PCDH9: variants seen among roughly 807,000 people sequenced by gnomAD.
PCDH9 encodes protocadherin-9.
PCDH9 carries 24 observed loss-of-function variants against 70.6 expected under a neutral mutation model. The ratio of observed to expected loss-of-function variants is 0.34; its 90% confidence interval spans 0.25 to 0.48. PCDH9 has a LOEUF of 0.48. Among genes scored for constraint, PCDH9 ranks in the 20% least tolerant of loss-of-function variants. PCDH9 has a pLI of 0.99. For missense variants in PCDH9, 1,281 were observed against 1,503.6 expected, an observed-to-expected ratio of 0.85 and a Z score of 2.45; for synonymous variants, 562 against 558.5, an observed-to-expected ratio of 1.01 and a Z score of -0.09.
chr13:66,810,162 T>A (rs1024957195), intron 3 of PCDH9, among the ~76,000 whole-genome samples: 1 of 152,168 alleles, frequency 6.6e-6, no homozygotes, highest in Non-Finnish European at 1.5e-5. Flanking sequence ...TCATTGTATA[T>A]TAGCCTTTTT....
At chr13:66,772,776 A>G (rs1315945709) in intron 3 of PCDH9, among the ~76,000 whole-genome samples, 2 of 152,146 alleles carry the variant, frequency 1.3e-5, no homozygotes, top group Non-Finnish European at 2.9e-5. Flanking sequence ...TATTAAATAT[A>G]TAATTTTTTA....
chr13:66,349,406 T>C (rs1310756991), intron 4 of PCDH9, among the ~76,000 whole-genome samples: 1 of 152,218 alleles, frequency 6.6e-6, no homozygotes, highest in African/African-American at 2.4e-5. Context: ...GCAGAAATGA[T>C]TATGACAAAT....
intron 2 of PCDH9, among the ~76,000 whole-genome samples, chr13:67,162,997 A>G (rs1418457768): frequency 6.6e-6 from 1 of 152,182 alleles, no homozygotes; most frequent in Non-Finnish European, 1.5e-5. Flanking sequence ...CCACATTTAG[A>G]TCATGATGTG....
intron 4 of PCDH9, among the ~76,000 whole-genome samples, chr13:66,498,100 G>A (rs1352854369): frequency 1.3e-5 from 2 of 151,406 alleles, no homozygotes; most frequent in Non-Finnish European, 2.9e-5. Context: ...GATTACAGGC[G>A]TGAGCCACCA....
chr13:66,737,736 G>C (rs2139190661), intron 3 of PCDH9, among the ~76,000 whole-genome samples: 1 of 152,296 alleles, frequency 6.6e-6, no homozygotes, highest in Non-Finnish European at 1.5e-5. Flanking sequence ...AGGGGTGACG[G>C]ACGCACCTGG....
intron 4 of PCDH9, among the ~76,000 whole-genome samples, chr13:66,580,285 C>A (rs991347731): frequency 1.3e-5 from 2 of 151,910 alleles, no homozygotes; most frequent in Non-Finnish European, 2.9e-5. Flanking sequence ...TTGGCATATA[C>A]AACTATTTAT....
chr13:67,001,476 T>C (rs777953819), intron 2 of PCDH9, among the ~76,000 whole-genome samples: 10 of 152,190 alleles, frequency 6.6e-5, no homozygotes, highest in Non-Finnish European at 1.3e-4. Context: ...GAAATCCCAA[T>C]AAGGGAAAAG....
intron 2 of PCDH9, among the ~76,000 whole-genome samples, chr13:66,944,509 G>A (rs1175208436): frequency 6.6e-6 from 1 of 152,136 alleles, no homozygotes. Context: ...GTGGCCCAGA[G>A]AATTACCTAA....
intron 4 of PCDH9, among the ~76,000 whole-genome samples, chr13:66,535,693 C>T (rs1960668852): frequency 6.6e-6 from 1 of 152,014 alleles, no homozygotes; most frequent in Non-Finnish European, 1.5e-5. Context: ...ATTATGCTTC[C>T]TAGAGGATCG....
intron 4 of PCDH9, among the ~76,000 whole-genome samples, chr13:66,599,433 A>G (rs1291242855): frequency 2.6e-5 from 4 of 151,904 alleles, no homozygotes; most frequent in Non-Finnish European, 5.9e-5. Flanking sequence ...ATTAAAAGTT[A>G]TTACCTGAAA....
chr13:66,861,436 T>G (rs1048404517), intron 3 of PCDH9, among the ~76,000 whole-genome samples: 1 of 152,190 alleles, frequency 6.6e-6, no homozygotes, highest in Non-Finnish European at 1.5e-5. Flanking sequence ...AGAGCTGCAT[T>G]GTTACAGACA....
intron 4 of PCDH9, among the ~76,000 whole-genome samples, chr13:66,473,742 T>A (rs1224981702): frequency 6.6e-6 from 1 of 152,196 alleles, no homozygotes; most frequent in South Asian, 2.1e-4. Flanking sequence ...TATTAATATC[T>A]TTATTGAAAT....
intron 2 of PCDH9, chr13:66,978,279 A>AT (rs922667974): frequency 2.0e-5 from 3 of 151,934 alleles, no homozygotes; most frequent in African/African-American, 7.2e-5. Context: ...TTAAATGATA[A>AT]TTTTCAGATA....
At position 67,224,730 on chromosome 13, in the gene PCDH9, C is replaced by CTT. The variant is rs200944675; in HGVS notation, c.3036+673_3036+674dup. ...TCAGTTATATTAGGCAGCAAGCATTCTTTTTTTTTTTTTTTTTGAAAGAGT... is the reference window on the plus strand; with the variant it reads ...TCAGTTATATTAGGCAGCAAGCATTCTTTTTTTTTTTTTTTTTTTGAAAGAGT... On this transcript the variant is annotated intron_variant, in intron 2 of 4. Coordinates refer to ENST00000377865, the MANE Select transcript of PCDH9 (RefSeq NM_203487.3). The CTT allele has an allele frequency of 3.8e-3, 2,000 of 526,486 alleles. 3 individuals are homozygous for CTT. The highest frequency in any genetic ancestry group is 0.011 in the African/African-American group (497 of 43,250). The allele number at this position is 526,486 out of a possible 1,614,324, so 32.6% of individuals were successfully genotyped here. A position where few individuals can be genotyped will look rare whatever the true frequency, so the allele number is the denominator to read the frequency against.
At chr13:66,357,854 C>T (rs921159481) in intron 4 of PCDH9, among the ~76,000 whole-genome samples, 7 of 152,106 alleles carry the variant, frequency 4.6e-5, no homozygotes, top group East Asian at 1.9e-4. Context: ...ATTTGGGCAA[C>T]GAAGCAAACA....
At chr13:67,147,024 G>A (rs1436057093) in intron 2 of PCDH9, among the ~76,000 whole-genome samples, 1 of 152,062 alleles carries the variant, frequency 6.6e-6, no homozygotes, top group Non-Finnish European at 1.5e-5. Context: ...GCAAGTGGAA[G>A]CATTTTTATA....
intron 4 of PCDH9, among the ~76,000 whole-genome samples, chr13:66,587,998 C>T (rs1006420709): frequency 2.0e-5 from 3 of 152,028 alleles, no homozygotes. Flanking sequence ...CTCCCTCTTG[C>T]AGCTATCTTG....
At chr13:66,936,857 T>A (rs1023261522) in intron 2 of PCDH9, among the ~76,000 whole-genome samples, 2 of 152,168 alleles carry the variant, frequency 1.3e-5, no homozygotes, top group South Asian at 4.1e-4. Flanking sequence ...TAAAAGTAAA[T>A]CTAAGATTTT....
At chr13:66,934,558 G>GAAAA (rs1555288043) in intron 2 of PCDH9, among the ~76,000 whole-genome samples, 1 of 134,818 alleles carries the variant, frequency 7.4e-6, no homozygotes, top group South Asian at 2.3e-4. Context: ...AAAAAAAAAA[G>GAAAA]AAAAAGAAAA....
Sources: gnomAD v4.1 joint callset for allele counts (sites outside exome capture counted in the v4.1 genomes callset) on GRCh38, gnomAD v4.1.1 for gene constraint, MANE v1.5 for transcripts, NCBI Gene and HGNC (gene_info 2026-07-23, HGNC 2026-07-21) for gene names.